Variants in CC2D2B observed in about 807,000 individuals in gnomAD.
CC2D2B encodes the protein protein CC2D2B.
Under a neutral mutation model 161.2 loss-of-function variants are expected in CC2D2B, and 128 were observed. The ratio of observed to expected loss-of-function variants is 0.79; its 90% confidence interval spans 0.69 to 0.92. CC2D2B has a LOEUF of 0.92. Among genes scored for constraint, CC2D2B ranks in the 40% least tolerant of loss-of-function variants. The pLI, the probability that CC2D2B is intolerant of heterozygous loss-of-function variation, is 0.00. For missense variants in CC2D2B, 1,173 were observed against 1,375.1 expected, an observed-to-expected ratio of 0.85 and a Z score of 2.32; for synonymous variants, 391 against 449.8, an observed-to-expected ratio of 0.87 and a Z score of 1.65.
intron 16 of CC2D2B, among the ~76,000 whole-genome samples, chr10:95,973,581 G>A (rs969056333): frequency 9.2e-5 from 14 of 152,198 alleles, no homozygotes; most frequent in South Asian, 6.2e-4. Context: ...AGTTAGGGCC[G>A]GGCGTGGTGG....
intron 25 of CC2D2B, among the ~76,000 whole-genome samples, chr10:96,008,948 A>G (rs2078871846): frequency 6.6e-6 from 1 of 151,634 alleles, no homozygotes; most frequent in African/African-American, 2.4e-5. Context: ...GTATTTTGCA[A>G]CTCTGTTTGT....
chr10:95,996,764 T>C (rs1410517119), intron 24 of CC2D2B, among the ~76,000 whole-genome samples: 1 of 152,206 alleles, frequency 6.6e-6, no homozygotes, highest in East Asian at 1.9e-4. Flanking sequence ...TTCATCCATG[T>C]TCATGCTTGT....
At chr10:95,980,051 G>T (rs1044995607) in intron 17 of CC2D2B, among the ~76,000 whole-genome samples, 29 of 152,204 alleles carry the variant, frequency 1.9e-4, no homozygotes, top group Non-Finnish European at 2.1e-4. Flanking sequence ...GAAACAAGAT[G>T]TAAATGTCAG....
chr10:95,937,559 A>G (rs557892582), intron 6 of CC2D2B, among the ~76,000 whole-genome samples: 5 of 151,120 alleles, frequency 3.3e-5, no homozygotes, highest in Admixed American at 3.3e-4. Flanking sequence ...AATACCTTGT[A>G]GAAAAAAGCA....
chr10:95,966,144 A>G (rs1179032263), intron 13 of CC2D2B, 46 bp from the exon 14 acceptor site: 1 of 763,166 alleles, frequency 1.3e-6, no homozygotes, highest in Non-Finnish European at 1.8e-6. Context: ...AATGTCCTAC[A>G]CAGGGATGTA....
chr10:95,924,779 AT>A lies in CC2D2B; in HGVS notation c.177del (p.Asn60IlefsTer39). On this transcript the variant is annotated frameshift_variant and splice_region_variant, in exon 5 of 35. Transcript: ENST00000646931. LOFTEE classifies it high-confidence loss of function. Reference sequence around the variant, plus strand: ...AAGATTTATTTATGTTGTGTTTCAGATTAATAAAGGTGAAAAATCTTCAACT... The same window carrying A: ...AAGATTTATTTATGTTGTGTTTCAGATAATAAAGGTGAAAAATCTTCAACT... ...KVREKLKISK[I>X]NKGEKSSTEQ... The A allele has an allele frequency of 6.5e-7, 1 of 1,529,628 alleles. No homozygotes were observed. Among genetic ancestry groups the A allele is most frequent in the Non-Finnish European group, 8.9e-7 (1 of 1,127,380 alleles). 94.8% of individuals were successfully genotyped at this position (1,529,628 alleles called of 1,614,324 possible).
intron 7 of CC2D2B, 153 bp from the exon 8 acceptor site, chr10:95,938,416 G>A (rs1290698162): frequency 1.7e-6 from 1 of 598,108 alleles, no homozygotes; most frequent in Non-Finnish European, 3.0e-6. Context: ...TAGAGAGAGA[G>A]AGCGAGCGAG....
At chr10:95,945,434 G>T (rs1459747668) in intron 9 of CC2D2B, among the ~76,000 whole-genome samples, 2 of 152,136 alleles carry the variant, frequency 1.3e-5, no homozygotes, top group Non-Finnish European at 2.9e-5. Flanking sequence ...TTCTGCCTCT[G>T]CCAGGTACTT....
intron 34 of CC2D2B, 57 bp downstream of exon 34, chr10:96,027,446 T>G: frequency 8.1e-7 from 1 of 1,233,396 alleles, no homozygotes; most frequent in Non-Finnish European, 1.1e-6. Flanking sequence ...TGTTAATTGC[T>G]AAATAATAGC....
At chr10:95,995,822 C>G (rs1468981657) in intron 23 of CC2D2B, among the ~76,000 whole-genome samples, 1 of 152,200 alleles carries the variant, frequency 6.6e-6, no homozygotes, top group East Asian at 1.9e-4. Flanking sequence ...GTTAATCATT[C>G]CTTTTCCTGA....
intron 11 of CC2D2B, among the ~76,000 whole-genome samples, chr10:95,955,949 T>C (rs1391644026): frequency 6.6e-6 from 1 of 152,150 alleles, no homozygotes; most frequent in Non-Finnish European, 1.5e-5. Context: ...GTTATGAAAG[T>C]ATGAAATAAC....
In CC2D2B at chr10:95,973,764, G is replaced by A. The variant is rs917362470; in HGVS notation, c.1796-245G>A. Reference sequence around the variant, plus strand: ...TAATCCCAGCTACTTGGGAGCCTGAGGCAGGAGAATCATTTGAACCCAGGA... The same window carrying A: ...TAATCCCAGCTACTTGGGAGCCTGAAGCAGGAGAATCATTTGAACCCAGGA... On this transcript the variant is annotated intron_variant, in intron 16 of 34. Coordinates refer to ENST00000646931, the MANE Select transcript of CC2D2B (RefSeq NM_001349008.3). Among the ~76,000 whole-genome samples the A allele has an allele frequency of 2.0e-4, 30 of 151,598 alleles. 1 individual carries two copies. Among genetic ancestry groups the A allele is most frequent in the African/African-American group, 5.1e-4 (21 of 41,196 alleles).
rs375316468 is a variant in CC2D2B, at chr10:96,013,856, T to C, written c.3495T>C (p.Ser1165=). The C allele has an allele frequency of 4.4e-6, 7 of 1,589,334 alleles. No homozygotes were observed. The African/African-American group carries it at 9.5e-5, about 21-fold the overall frequency. Residue 1165 remains serine, a synonymous_variant, in exon 29 of 35, where the codon TCT becomes TCC. Transcript: ENST00000646931. ...ATACACCAGATGAAAATGATGGCTC[T>C]GATATATGGATGACATCAGAGGTAA... ...VPNTPDENDG[S]DIWMTSEHCI... is the part of the protein sequence containing the mutation.
intron 33 of CC2D2B, among the ~76,000 whole-genome samples, chr10:96,025,191 AAATATATATATATATAT>A: frequency 2.0e-5 from 1 of 50,742 alleles, no homozygotes; most frequent in East Asian, 5.7e-4. Flanking sequence ...ATATAAAAAA[AAATATATATATATATAT>A]ATATATATAT....
At position 95,938,899 on chromosome 10, in the gene CC2D2B, C is replaced by T. The variant is rs1037704929; in HGVS notation, c.775C>T (p.Pro259Ser). Residue 259 changes from proline (P) to serine (S), a missense_variant, in exon 9 of 35, where the codon CCA (proline) becomes TCA (serine). Physicochemically the swap from Pro to Ser is moderately conservative, Grantham distance 74. Transcript: ENST00000646931. Reference sequence around the variant, plus strand: ...AAATGTAAGGAAGGAACCTTTAAATCCATTACTTAAGACCATATACAGGAA... The same window carrying T: ...AAATGTAAGGAAGGAACCTTTAAATTCATTACTTAAGACCATATACAGGAA... ...RLNVRKEPLN[P>S]LLKTIYRKAV... The T allele has an allele frequency of 2.8e-5, 20 of 712,904 alleles. No homozygotes were observed. Among genetic ancestry groups the T allele is most frequent in the Non-Finnish European group, 4.4e-5 (17 of 383,644 alleles). 44.2% of individuals were successfully genotyped at this position (712,904 alleles called of 1,614,324 possible).
At chr10:95,975,868 A>G (rs2077294423) in intron 17 of CC2D2B, among the ~76,000 whole-genome samples, 1 of 152,202 alleles carries the variant, frequency 6.6e-6, no homozygotes, top group Non-Finnish European at 1.5e-5. Flanking sequence ...AAAGTGTTTA[A>G]TACCTAGAAC....
Position 96,019,706 on chromosome 10 carries a change from G to A in CC2D2B, c.3770G>A (p.Trp1257Ter), listed in dbSNP as rs1220905265. 4 of 1,585,154 alleles carry A rather than the reference G, an allele frequency of 2.5e-6. No individual in the cohort carries two copies. Among genetic ancestry groups the A allele is most frequent in the Non-Finnish European group, 1.7e-6 (2 of 1,170,558 alleles). Reference protein sequence around the residue: ...VDCLFDDRNVWFNIQQNNTPM... With the variant: ...VDCLFDDRNV ...GTTATATTAATGTTTTCATAGGTCT[G>A]GTTTAATATTCAACAAAATAATACA... The change falls in exon 32 of 35, where the codon TGG becomes TAG. Residue 1257 changes from tryptophan (W) to a stop codon, truncating the protein, a stop_gained. Coordinates refer to ENST00000646931, the MANE Select transcript of CC2D2B (RefSeq NM_001349008.3). LOFTEE classifies it high-confidence loss of function.
At chr10:95,924,272 ATAAAGTG>A in intron 3 of CC2D2B, 35 bp from the exon 4 acceptor site, 1 of 1,036,428 alleles carries the variant, frequency 9.6e-7, no homozygotes, top group Non-Finnish European at 1.4e-6. Flanking sequence ...TTTAATTATA[ATAAAGTG>A]TCATAAACTC....
intron 11 of CC2D2B, among the ~76,000 whole-genome samples, chr10:95,959,477 A>G (rs2076690323): frequency 6.6e-6 from 1 of 152,208 alleles, no homozygotes; most frequent in Non-Finnish European, 1.5e-5. Flanking sequence ...TCTTTCAAAT[A>G]AAAGAAAAAG....
Sources: gnomAD v4.1 joint callset for allele counts (sites outside exome capture counted in the v4.1 genomes callset) on GRCh38, gnomAD v4.1.1 for gene constraint, MANE v1.5 for transcripts, NCBI Gene and HGNC (gene_info 2026-07-23, HGNC 2026-07-21) for gene names.